Variants in CPLANE1 observed in about 807,000 individuals in gnomAD.
The protein encoded by CPLANE1 is ciliogenesis and planar polarity effector complex subunit 1, also known as ciliogenesis and planar polarity effector 1.
CPLANE1 carries 263 observed loss-of-function variants against 362.5 expected under a neutral mutation model. That is an observed-to-expected ratio of 0.73 (90% CI 0.66 to 0.80). CPLANE1 has a LOEUF of 0.80. Among genes scored for constraint, CPLANE1 ranks in the 30% least tolerant of loss-of-function variants. CPLANE1 has a pLI of 0.00. For synonymous variants in CPLANE1, 1,212 were observed against 1,302.6 expected, an observed-to-expected ratio of 0.93 and a Z score of 1.50; for missense variants, 3,461 against 3,793.4, an observed-to-expected ratio of 0.91 and a Z score of 2.30.
rs748355456 is a variant in CPLANE1, at chr5:37,182,870, A to G, written c.5311T>C (p.Tyr1771His). ...GTCTTTACACGAATTACTGGACTGT[A>G]CTCAGAGGATGACTCAGTTATACCA... ...DSGITESSSE[Y>H]SPVIRVKTST... Residue 1771 changes from tyrosine to histidine, a missense_variant, in exon 26 of 53, where the codon TAC (tyrosine) becomes CAC (histidine). By Grantham distance (83) the Tyr-to-His change is moderately conservative (BLOSUM62 2). Transcript: ENST00000651892. 1.2e-4 allele frequency: 189 copies of G among 1,610,054 alleles called. No homozygotes were observed. Among genetic ancestry groups the G allele is most frequent in the Non-Finnish European group, 1.6e-4 (184 of 1,179,012 alleles).
chr5:37,115,411 A>C (rs1309796759), intron 50 of CPLANE1, among the ~76,000 whole-genome samples: 1 of 152,154 alleles, frequency 6.6e-6, no homozygotes, highest in Non-Finnish European at 1.5e-5. Flanking sequence ...CAACCGAATG[A>C]TTAGTTTCTT....
Position 37,183,650 on chromosome 5 carries a change from T to G in CPLANE1, c.4531A>C (p.Lys1511Gln). 2 of 1,609,110 alleles carry G rather than the reference T, an allele frequency of 1.2e-6. No individual in the cohort carries two copies. The highest frequency in any genetic ancestry group is 2.2e-5 in the South Asian group (2 of 89,654). ...TCTTTCTGATTACACATTTTCCTTT[T>G]ATCAGTTGGCTTATGAATTGATGTT... ...ELTSIHKPTD[K>Q]RKMCNQKENP... The change falls in exon 26 of 53, where the codon AAA becomes CAA. Residue 1511 changes from lysine to glutamine, a missense_variant. Transcript: ENST00000651892.
At chr5:37,188,178 T>TC (rs1784548380) in intron 21 of CPLANE1, among the ~76,000 whole-genome samples, 2 of 152,242 alleles carry the variant, frequency 1.3e-5, no homozygotes, top group African/African-American at 4.8e-5. Context: ...AGCTTTTTTT[T>TC]CACCTACTAT....
In CPLANE1 at chr5:37,157,214, C is replaced by A. The variant is rs1001747908; in HGVS notation, c.8119+99G>T. ...CCCATGCTCCTTAGCAAGGGACAAC[C>A]CTTTTTCTGGTTTCTTTTGCAATTA... On this transcript the variant is annotated intron_variant, in intron 41 of 52. Coordinates refer to ENST00000651892, the MANE Select transcript of CPLANE1 (RefSeq NM_001384732.1). 1.3e-5 allele frequency: 7 copies of A among 532,894 alleles called. No homozygotes were observed. The African/African-American group carries it at 1.4e-4, about 10-fold the overall frequency. The allele number at this position is 532,894 out of a possible 1,614,324, so 33.0% of individuals were successfully genotyped here. A position where few individuals can be genotyped will look rare whatever the true frequency, so the allele number is the denominator to read the frequency against.
chr5:37,175,494 T>G (rs1780919823), intron 31 of CPLANE1, among the ~76,000 whole-genome samples: 1 of 152,226 alleles, frequency 6.6e-6, no homozygotes, highest in Non-Finnish European at 1.5e-5. Flanking sequence ...CTGTGCTATA[T>G]TTTCCTATTT....
At chr5:37,173,443 A>G (rs764714678) in intron 32 of CPLANE1, among the ~76,000 whole-genome samples, 60 of 152,162 alleles carry the variant, frequency 3.9e-4, no homozygotes, top group Non-Finnish European at 7.1e-4. Context: ...TGGGCCCTAG[A>G]GGTCTTTTTT....
chr5:37,196,786 G>T (rs962696097), intron 20 of CPLANE1, among the ~76,000 whole-genome samples: 1 of 152,172 alleles, frequency 6.6e-6, no homozygotes, highest in Non-Finnish European at 1.5e-5. Flanking sequence ...TTAGTTGGGC[G>T]AGGTGGCAGG....
chr5:37,126,502 C>T (rs1764163151), intron 46 of CPLANE1, among the ~76,000 whole-genome samples: 1 of 152,214 alleles, frequency 6.6e-6, no homozygotes, highest in Non-Finnish European at 1.5e-5. Context: ...CCCTCTTTCC[C>T]TCTCCTTTAC....
chr5:37,141,213 C>T, intron 44 of CPLANE1: 1 of 985,328 alleles, frequency 1.0e-6, no homozygotes. Context: ...TCAAAACCTC[C>T]TTGTTTTACT....
rs1182101030 is a variant in CPLANE1 at position 37,170,276 on chromosome 5, T to G, written c.6227A>C (p.Asn2076Thr). ...TACAAGTTGTTGTGTATCTGGGAGATTAGCAAAGGATGATCCTACTATTTG... is the reference window on the plus strand; with the variant it reads ...TACAAGTTGTTGTGTATCTGGGAGAGTAGCAAAGGATGATCCTACTATTTG... The part of the protein sequence containing the change: ...LMQIVGSSFA[N>T]LPDTQQLVQQ... The change falls in exon 33 of 53, where the codon AAT (asparagine) becomes ACT (threonine). Residue 2076 changes from asparagine to threonine, a missense_variant. This residue lies in a region of CPLANE1 where 3,380 missense variants were observed against 3,666.1 expected (regional missense o/e 0.92). Coordinates refer to ENST00000651892, the MANE Select transcript of CPLANE1 (RefSeq NM_001384732.1). 1.2e-6 allele frequency: 2 copies of G among 1,614,078 alleles called. No individual in the cohort carries two copies. The highest frequency in any genetic ancestry group is 1.7e-5 in the Admixed American group (1 of 60,002).
In CPLANE1 at chr5:37,169,521, C is replaced by T. The variant is rs762551958; in HGVS notation, c.6503G>A (p.Gly2168Asp). ...AATTGGTCCTTTTTTCCGGGGCTGG[C>T]CATTTAATTGACATAAAGGAATACT... is the stretch of plus-strand genomic sequence containing the variant. ...HGSIPLCQLN[G>D]QPRKKGPIPS... The change falls in exon 34 of 53, where the codon GGC (glycine) becomes GAC (aspartate). Residue 2168 changes from glycine to aspartate, a missense_variant. By Grantham distance (94) the Gly-to-Asp change is moderately conservative. Coordinates refer to ENST00000651892, the MANE Select transcript of CPLANE1 (RefSeq NM_001384732.1). 22 of 1,613,016 alleles carry T rather than the reference C, an allele frequency of 1.4e-5. 1 individual carries two copies. The East Asian group carries it at 3.3e-4, about 25-fold the overall frequency.
chr5:37,093,502 T>C, the CPLANE1 span, among the ~76,000 whole-genome samples: 1,227 of 121,108 alleles, frequency 0.01, 17 homozygotes, highest in African/African-American at 0.036. Context: ...CCCTTCACAC[T>C]ATAGATCTAC....
chr5:37,076,090 A>T, the CPLANE1 span, among the ~76,000 whole-genome samples: 1 of 151,830 alleles, frequency 6.6e-6, no homozygotes, highest in African/African-American at 2.4e-5. Context: ...CACTACAAAA[A>T]AAACAAAAAA....
intron 8 of CPLANE1, among the ~76,000 whole-genome samples, chr5:37,238,409 C>G (rs535944947): frequency 6.6e-6 from 1 of 151,624 alleles, no homozygotes; most frequent in African/African-American, 2.4e-5. Flanking sequence ...TCTCAAACTC[C>G]TGACCTCAGG....
chr5:37,180,771 T>G lies in CPLANE1; in HGVS notation c.5570+86A>C, dbSNP rs1048635303. 66 of 1,321,876 alleles carry G rather than the reference T, an allele frequency of 5.0e-5. No homozygotes were observed. In the South Asian group the frequency reaches 8.8e-4, roughly 18 times the overall value. 81.9% of individuals were successfully genotyped at this position (1,321,876 alleles called of 1,614,324 possible). A position where few individuals can be genotyped will look rare whatever the true frequency, so the allele number is the denominator to read the frequency against. The stretch of plus-strand genomic sequence containing the variant: ...TCAAAAAATGCTCATTCCTTTAACT[T>G]TCAAGGGTTTGATCTTCCCTTTAAG... On this transcript the variant is annotated intron_variant, in intron 27 of 52. Transcript: ENST00000651892.
intron 21 of CPLANE1, among the ~76,000 whole-genome samples, chr5:37,191,829 G>C (rs1240073347): frequency 6.6e-6 from 1 of 152,100 alleles, no homozygotes; most frequent in African/African-American, 2.4e-5. Flanking sequence ...GATTACAAGA[G>C]TCAAAAAGGT....
the CPLANE1 span, among the ~76,000 whole-genome samples, chr5:37,091,047 C>T: frequency 6.6e-6 from 1 of 152,134 alleles, no homozygotes; most frequent in Non-Finnish European, 1.5e-5. Flanking sequence ...ATCTTTCCAC[C>T]AAAATTGGAG....
chr5:37,180,359 A>C (rs958317043), intron 27 of CPLANE1, among the ~76,000 whole-genome samples, 176 bp from the exon 28 acceptor site: 1 of 151,896 alleles, frequency 6.6e-6, no homozygotes, highest in Non-Finnish European at 1.5e-5. Flanking sequence ...CTTTGGTTTC[A>C]TATTTATAAA....
At chr5:37,096,303 G>A in the CPLANE1 span, among the ~76,000 whole-genome samples, 1 of 152,178 alleles carries the variant, frequency 6.6e-6, no homozygotes, top group Non-Finnish European at 1.5e-5. Context: ...CATAAAGGGG[G>A]AAAGGACACC....
Sources: allele counts gnomAD v4.1 joint callset (sites outside exome capture counted in the v4.1 genomes callset), GRCh38; gene constraint gnomAD v4.1.1; regional missense constraint gnomAD v4.1.1; transcripts MANE v1.5; gene names NCBI Gene and HGNC (gene_info 2026-07-23, HGNC 2026-07-21).